The following AOPEP variants were observed in gnomAD, a reference collection of about 807,000 sequenced individuals.
The protein encoded by AOPEP is aminopeptidase O (putative).
In AOPEP, 77 loss-of-function variants were observed where a neutral mutation model predicts 98.1. The ratio of observed to expected loss-of-function variants is 0.78; its 90% confidence interval spans 0.65 to 0.95. The LOEUF (loss-of-function observed/expected upper bound fraction) is 0.95, where lower values mean the gene tolerates loss of function less well. Ranked by LOEUF, AOPEP falls within the 40% of genes least tolerant of loss-of-function variation. The pLI is 0.00. For missense variants in AOPEP, 1,024 were observed against 1,024.7 expected (o/e 1.00, Z 0.01); for synonymous variants, 346 against 365.3 (o/e 0.95, Z 0.60).
intron 2 of AOPEP, among the ~76,000 whole-genome samples, chr9:94,768,218 T>C (rs1840058841): frequency 6.6e-6 from 1 of 152,098 alleles, no homozygotes; most frequent in African/African-American, 2.4e-5. Context: ...AAGCCACACA[T>C]GGGGCCACTG....
the AOPEP span, chr9:95,101,591 T>C: frequency 7.8e-7 from 1 of 1,285,906 alleles, no homozygotes. Context: ...CAGCTCATTC[T>C]CACAGCCCAG....
At chr9:94,976,916 C>G (rs1369674629) in intron 10 of AOPEP, among the ~76,000 whole-genome samples, 1 of 152,182 alleles carries the variant, frequency 6.6e-6, no homozygotes, top group African/African-American at 2.4e-5. Context: ...ATCCTCCTGC[C>G]TCAGCCTCCC....
chr9:94,731,611 T>C (rs1191480605), intron 1 of AOPEP, among the ~76,000 whole-genome samples: 8 of 152,076 alleles, frequency 5.3e-5, no homozygotes, highest in Admixed American at 5.2e-4. Flanking sequence ...TTGCTAGGCC[T>C]CCAAAAAGCC....
intron 1 of AOPEP, among the ~76,000 whole-genome samples, chr9:94,727,424 C>A (rs1189073056): frequency 6.6e-6 from 1 of 152,168 alleles, no homozygotes; most frequent in Non-Finnish European, 1.5e-5. Context: ...CCCCTTGTAC[C>A]TGATTTCTTT....
At chr9:95,027,682 A>G (rs2063952057) in intron 13 of AOPEP, among the ~76,000 whole-genome samples, 1 of 152,218 alleles carries the variant, frequency 6.6e-6, no homozygotes, top group Non-Finnish European at 1.5e-5. Flanking sequence ...TTCTTTATTA[A>G]AAATGCAACT....
intron 5 of AOPEP, among the ~76,000 whole-genome samples, chr9:94,916,004 A>G (rs755020573): frequency 3.2e-4 from 49 of 152,212 alleles, no homozygotes; most frequent in Non-Finnish European, 5.3e-4. Flanking sequence ...GTGTCCCTCC[A>G]TAAAGCAGCC....
chr9:94,902,653 G>C (rs185924525), intron 5 of AOPEP, among the ~76,000 whole-genome samples: 1 of 152,228 alleles, frequency 6.6e-6, no homozygotes, highest in African/African-American at 2.4e-5. Flanking sequence ...CAGTTTCCTA[G>C]AATTTTCTTA....
At chr9:94,921,336 C>A (rs749489637) in intron 5 of AOPEP, 1 of 152,322 alleles carries the variant, frequency 6.6e-6, no homozygotes, top group African/African-American at 2.4e-5. Context: ...GCTGTTGAGT[C>A]CAGGCTGAGG....
intron 13 of AOPEP, among the ~76,000 whole-genome samples, chr9:95,035,469 T>C (rs959742885): frequency 2.6e-5 from 4 of 151,816 alleles, no homozygotes; most frequent in Admixed American, 6.6e-5. Context: ...TGATTTGCTG[T>C]TTTTTAAAAT....
Position 94,928,494 on chromosome 9 carries a change from G to A in AOPEP, c.1624G>A (p.Glu542Lys), listed in dbSNP as rs1297475049. 14 of 1,550,700 alleles carry A rather than the reference G, an allele frequency of 9.0e-6. No homozygotes were observed. In the South Asian group the frequency reaches 1.3e-4, roughly 14 times the overall value. The change falls in exon 7 of 17, where the codon GAG (glutamate) becomes AAG (lysine). Residue 542 changes from glutamate (E) to lysine (K), a missense_variant. This residue lies in a region of AOPEP where 566 missense variants were observed against 551.7 expected (regional missense o/e 1.03). Transcript: ENST00000375315. ...TCTGCGCTGGCGTCGCCTCCAGGAC[G>A]AGATGCAATGCTCCCCCGAGGAGAT... ...ACLRWRRLQD[E>K]MQCSPEEMQV...
At chr9:95,116,115 GGCCC>G in the AOPEP span, among the ~76,000 whole-genome samples, 2 of 152,208 alleles carry the variant, frequency 1.3e-5, no homozygotes, top group Non-Finnish European at 2.9e-5. Flanking sequence ...TAAAGGGTTG[GGCCC>G]ATGCCCATGC....
At chr9:94,835,544 A>G (rs930928743) in intron 5 of AOPEP, among the ~76,000 whole-genome samples, 6 of 152,188 alleles carry the variant, frequency 3.9e-5, no homozygotes, top group Admixed American at 3.3e-4. Flanking sequence ...CATTGTCTCA[A>G]ACTGGTTTCC....
chr9:94,787,780 T>C (rs531124875), intron 3 of AOPEP, among the ~76,000 whole-genome samples: 8 of 152,328 alleles, frequency 5.3e-5, no homozygotes, highest in African/African-American at 1.7e-4. Flanking sequence ...CTGATGGGTT[T>C]ATTATACCCG....
At chr9:95,123,552 C>G in the AOPEP span, 2 of 541,624 alleles carry the variant, frequency 3.7e-6, no homozygotes, top group Non-Finnish European at 3.6e-6. Context: ...AACGGTCGTA[C>G]CAAAAAGGGC....
At chr9:94,956,622 C>T (rs2058476313) in intron 9 of AOPEP, among the ~76,000 whole-genome samples, 1 of 152,184 alleles carries the variant, frequency 6.6e-6, no homozygotes, top group South Asian at 2.1e-4. Flanking sequence ...AATATGCAGA[C>T]AGCCTGGCCA....
At chr9:95,105,949 C>T in the AOPEP span, among the ~76,000 whole-genome samples, 2 of 152,246 alleles carry the variant, frequency 1.3e-5, no homozygotes, top group Non-Finnish European at 2.9e-5. Context: ...CCAGATGGCC[C>T]TCCAGCCCCT....
the AOPEP span, among the ~76,000 whole-genome samples, chr9:95,140,855 C>T: frequency 4.4e-3 from 670 of 152,218 alleles, 6 homozygotes; most frequent in African/African-American, 0.015. Context: ...ATGTACAGAG[C>T]AGCTCACTTC....
intron 5 of AOPEP, among the ~76,000 whole-genome samples, chr9:94,900,214 T>G (rs10993387): frequency 0.45 from 68,786 of 152,026 alleles, 15,853 homozygotes; most frequent in East Asian, 0.62. Context: ...GAAATGAGAC[T>G]GGGGGTAAAA....
At chr9:95,032,223 TTCA>T (rs1564548210) in intron 13 of AOPEP, among the ~76,000 whole-genome samples, 1 of 152,188 alleles carries the variant, frequency 6.6e-6, no homozygotes, top group Non-Finnish European at 1.5e-5. Flanking sequence ...GCCCTTCCTT[TTCA>T]GGCCACCCCC....
Sources: allele counts gnomAD v4.1 joint callset (sites outside exome capture counted in the v4.1 genomes callset), GRCh38; gene constraint gnomAD v4.1.1; regional missense constraint gnomAD v4.1.1; transcripts MANE v1.5; gene names NCBI Gene and HGNC (gene_info 2026-07-23, HGNC 2026-07-21).